Variants in STAT5B observed in about 807,000 individuals in gnomAD.
The protein encoded by STAT5B is transcription factor STAT5B.
Under a neutral mutation model 107.8 loss-of-function variants are expected in STAT5B, and 21 were observed. The observed-to-expected ratio is 0.19, with a 90% CI of 0.14 to 0.28. STAT5B has a LOEUF of 0.28. Among genes scored for constraint, STAT5B ranks in the 10% least tolerant of loss-of-function variants. The probability of loss-of-function intolerance (pLI) is 1.00; values close to 1 mark genes in which losing one functional copy is unlikely to be tolerated. For missense variants in STAT5B, 565 were observed against 1,008.2 expected (o/e 0.56, Z 5.95); for synonymous variants, 325 against 401.7 (o/e 0.81, Z 2.28).
chr17:42,240,614 A>G (rs1054081643), intron 1 of STAT5B, among the ~76,000 whole-genome samples: 14 of 152,182 alleles, frequency 9.2e-5, no homozygotes, highest in Admixed American at 8.5e-4. Context: ...GGTGAATTTT[A>G]TAGTGCGTGA....
intron 1 of STAT5B, among the ~76,000 whole-genome samples, chr17:42,242,709 T>G (rs1363694949): frequency 6.6e-6 from 1 of 151,528 alleles, no homozygotes; most frequent in Non-Finnish European, 1.5e-5. Context: ...GGCTCATGCC[T>G]GTAATCCCAG....
Position 42,222,680 on chromosome 17 carries a change from ATT to A in STAT5B, c.550+700_550+701del, listed in dbSNP as rs112956748. Among the ~76,000 whole-genome samples the A allele has an allele frequency of 6.7e-3, 934 of 138,894 alleles. 5 individuals carry two copies. Among genetic ancestry groups the A allele is most frequent in the African/African-American group, 0.023 (854 of 37,700 alleles). The allele number at this position is 138,894 out of a possible 152,430, so 91.1% of individuals were successfully genotyped here. On this transcript the variant is annotated intron_variant, in intron 5 of 18. Coordinates refer to ENST00000293328, the MANE Select transcript of STAT5B (RefSeq NM_012448.4). ...TGTGCAAAACCACTCCCAGCTTAGA[ATT>A]TTTTTTTTTTTTTTTTGAGACAGAA... is the stretch of plus-strand genomic sequence containing the variant.
At chr17:42,262,980 A>ATATATG in intron 1 of STAT5B, among the ~76,000 whole-genome samples, 1 of 35,090 alleles carries the variant, frequency 2.8e-5, no homozygotes, top group South Asian at 1.3e-3. Context: ...GTATATATAT[A>ATATATG]TATATATATA....
intron 16 of STAT5B, among the ~76,000 whole-genome samples, chr17:42,205,378 A>G (rs529736848): frequency 6.6e-6 from 1 of 152,154 alleles, no homozygotes; most frequent in African/African-American, 2.4e-5. Context: ...AAAAAATTAC[A>G]TATGATATGG....
chr17:42,202,022 C>A, intron 18 of STAT5B, 158 bp from the exon 19 acceptor site: 1 of 706,608 alleles, frequency 1.4e-6, no homozygotes, highest in Non-Finnish European at 2.4e-6. Context: ...GGCTGTACAG[C>A]AACTCAGACT....
intron 11 of STAT5B, among the ~76,000 whole-genome samples, chr17:42,216,555 TG>T (rs1359270520): frequency 6.6e-6 from 1 of 152,242 alleles, no homozygotes; most frequent in African/African-American, 2.4e-5. Context: ...AATTTGTTGT[TG>T]TTGTTGAGAC....
intron 4 of STAT5B, 49 bp from the exon 5 acceptor site, chr17:42,223,605 C>T: frequency 6.2e-7 from 1 of 1,603,404 alleles, no homozygotes; most frequent in South Asian, 1.1e-5. Context: ...GGGAGGAAGA[C>T]TGAGGCCTTA....
chr17:42,213,793 T>C (rs924972831), intron 12 of STAT5B, among the ~76,000 whole-genome samples: 5 of 145,796 alleles, frequency 3.4e-5, no homozygotes, highest in Non-Finnish European at 7.5e-5. Context: ...CCTCCCAAAG[T>C]GCTGGGATTA....
chr17:42,208,189 G>T (rs1402451334), intron 15 of STAT5B, among the ~76,000 whole-genome samples: 1 of 152,062 alleles, frequency 6.6e-6, no homozygotes, highest in East Asian at 2.0e-4. Context: ...ACCGTGCCCG[G>T]CCTGAAATAG....
At chr17:42,257,011 A>C (rs2080552179) in intron 1 of STAT5B, among the ~76,000 whole-genome samples, 2 of 152,032 alleles carry the variant, frequency 1.3e-5, no homozygotes, top group South Asian at 4.1e-4. Flanking sequence ...TGTAGGGTTC[A>C]GTATTACCTG....
intron 12 of STAT5B, chr17:42,214,132 G>T: frequency 1.2e-6 from 1 of 822,018 alleles, no homozygotes; most frequent in Non-Finnish European, 1.5e-6. Context: ...GACAGAGCAA[G>T]ACTCTGTCTC....
intron 12 of STAT5B, among the ~76,000 whole-genome samples, chr17:42,215,213 C>T (rs2080161320): frequency 6.6e-6 from 1 of 152,184 alleles, no homozygotes; most frequent in African/African-American, 2.4e-5. Context: ...TTAACAGCAT[C>T]TTCATTTATT....
chr17:42,231,822 T>C (rs1010764409), intron 2 of STAT5B, among the ~76,000 whole-genome samples, 178 bp downstream of exon 2: 2 of 152,214 alleles, frequency 1.3e-5, no homozygotes, highest in African/African-American at 2.4e-5. Flanking sequence ...CAATCTAAGA[T>C]GGGCTTAAAT....
chr17:42,221,384 A>C (rs2080225037), intron 5 of STAT5B, among the ~76,000 whole-genome samples: 1 of 152,142 alleles, frequency 6.6e-6, no homozygotes, highest in African/African-American at 2.4e-5. Context: ...GGAGACGGGA[A>C]GCAATTTCCC....
chr17:42,206,669 G>T (rs2080087701), intron 16 of STAT5B, among the ~76,000 whole-genome samples: 1 of 151,982 alleles, frequency 6.6e-6, no homozygotes, highest in Non-Finnish European at 1.5e-5. Flanking sequence ...CCACCTCTCG[G>T]GTTCAAGCAA....
chr17:42,220,312 A>T (rs2080214053), intron 5 of STAT5B, among the ~76,000 whole-genome samples: 1 of 152,226 alleles, frequency 6.6e-6, no homozygotes, highest in South Asian at 2.1e-4. Context: ...ATTAAGATTA[A>T]ATACATGAGG....
chr17:42,262,752 ATG>A (rs1404601018), intron 1 of STAT5B, among the ~76,000 whole-genome samples: 4 of 138,318 alleles, frequency 2.9e-5, no homozygotes, highest in Non-Finnish European at 4.7e-5. Context: ...GTGTATATAT[ATG>A]TGTGTATATA....
At chr17:42,275,116 T>G (rs961484863) in intron 1 of STAT5B, 2 of 152,244 alleles carry the variant, frequency 1.3e-5, no homozygotes, top group Non-Finnish European at 2.9e-5. Context: ...CCCTGGATAC[T>G]CAACAAACAG....
chr17:42,248,101 A>C (rs1054862182), intron 1 of STAT5B, among the ~76,000 whole-genome samples: 1 of 151,010 alleles, frequency 6.6e-6, no homozygotes, highest in Non-Finnish European at 1.5e-5. Context: ...ACATAGTGAG[A>C]CTCCATCTCT....
Sources: allele counts gnomAD v4.1 joint callset (sites outside exome capture counted in the v4.1 genomes callset), GRCh38; gene constraint gnomAD v4.1.1; transcripts MANE v1.5; gene names NCBI Gene and HGNC (gene_info 2026-07-23, HGNC 2026-07-21).